CEP350: variants seen among roughly 807,000 people sequenced by gnomAD.
The protein encoded by CEP350 is centrosome-associated protein 350.
CEP350 carries 126 observed loss-of-function variants against 331.8 expected under a neutral mutation model. The observed-to-expected ratio is 0.38, with a 90% CI of 0.33 to 0.44. The LOEUF (loss-of-function observed/expected upper bound fraction) is 0.44. CEP350 is among the 20% of genes least tolerant of loss of function. The pLI is 1.00. For missense variants in CEP350, 3,406 were observed against 3,634.6 expected (o/e 0.94, Z 1.62); for synonymous variants, 1,200 against 1,259.5 (o/e 0.95, Z 1.00).
chr1:179,961,583 G>A (rs185754658), intron 1 of CEP350, among the ~76,000 whole-genome samples: 27 of 151,788 alleles, frequency 1.8e-4, no homozygotes, highest in African/African-American at 5.6e-4. Flanking sequence ...ATCTACTAAC[G>A]GGTCATGACT....
chr1:179,974,781 C>T (rs1441829241), intron 1 of CEP350, among the ~76,000 whole-genome samples: 4 of 152,042 alleles, frequency 2.6e-5, no homozygotes, highest in African/African-American at 9.7e-5. Context: ...TGCTTGAGGC[C>T]AGGATTTGAA....
At chr1:180,002,503 AATAG>A (rs1038487433) in intron 6 of CEP350, among the ~76,000 whole-genome samples, 1 of 151,960 alleles carries the variant, frequency 6.6e-6, no homozygotes, top group African/African-American at 2.4e-5. Context: ...AATAAAATAA[AATAG>A]ATAAGATAGC....
At chr1:179,991,412 G>A (rs1201794134) in intron 4 of CEP350, among the ~76,000 whole-genome samples, 1 of 149,710 alleles carries the variant, frequency 6.7e-6, no homozygotes, top group Non-Finnish European at 1.5e-5. Flanking sequence ...TACGTCCTGG[G>A]TTTAAGCGAT....
At chr1:179,961,412 C>T (rs540555897) in intron 1 of CEP350, among the ~76,000 whole-genome samples, 1 of 152,220 alleles carries the variant, frequency 6.6e-6, no homozygotes, top group South Asian at 2.1e-4. Context: ...CGCGTCACTG[C>T]ACTCCAGCCA....
chr1:180,027,020 G>A (rs532091836), intron 14 of CEP350, among the ~76,000 whole-genome samples: 1 of 152,238 alleles, frequency 6.6e-6, no homozygotes, highest in African/African-American at 2.4e-5. Context: ...ATTTTTTGAG[G>A]AACTGCCATA....
At chr1:180,036,827 G>T in intron 16 of CEP350, 99 bp from the exon 17 acceptor site, 1 of 1,353,170 alleles carries the variant, frequency 7.4e-7, no homozygotes, top group Non-Finnish European at 9.8e-7. Context: ...TTCTACAAAG[G>T]AAAGCAAAGT....
At chr1:179,966,200 A>G (rs1433726301) in intron 1 of CEP350, among the ~76,000 whole-genome samples, 1 of 152,186 alleles carries the variant, frequency 6.6e-6, no homozygotes, top group Non-Finnish European at 1.5e-5. Context: ...TAAGCTTTTT[A>G]TTTGCCTTCT....
chr1:180,027,792 C>T (rs1439652982), intron 14 of CEP350, among the ~76,000 whole-genome samples: 1 of 151,920 alleles, frequency 6.6e-6, no homozygotes, highest in East Asian at 1.9e-4. Context: ...ATTGAATATC[C>T]TTGTAAATAC....
At chr1:180,108,759 G>A (rs746864114) in intron 37 of CEP350, among the ~76,000 whole-genome samples, 9 of 152,122 alleles carry the variant, frequency 5.9e-5, no homozygotes, top group Non-Finnish European at 1.2e-4. Flanking sequence ...TATAGGAAAC[G>A]CTGAGTTAAA....
Position 180,111,253 on chromosome 1 carries a change from G to A in CEP350, c.*92G>A. On this transcript the variant is annotated 3_prime_UTR_variant, in exon 38 of 38. Transcript: ENST00000367607. ...CACCCATCGCCATCATAGCAAGAGTGCTTCTGGACCTTGTACTTATTCTTA... is the reference window on the plus strand; with the variant it reads ...CACCCATCGCCATCATAGCAAGAGTACTTCTGGACCTTGTACTTATTCTTA... 1 of 1,451,530 alleles carries A rather than the reference G, an allele frequency of 6.9e-7. No individual in the cohort carries two copies. Among genetic ancestry groups the A allele is most frequent in the Non-Finnish European group, 9.4e-7 (1 of 1,064,736 alleles). The allele number at this position is 1,451,530 out of a possible 1,614,324, so 89.9% of individuals were successfully genotyped here. A position where few individuals can be genotyped will look rare whatever the true frequency, so the allele number is the denominator to read the frequency against.
intron 16 of CEP350, among the ~76,000 whole-genome samples, chr1:180,036,322 G>A (rs1399226292): frequency 6.6e-6 from 1 of 152,182 alleles, no homozygotes; most frequent in Admixed American, 6.5e-5. Flanking sequence ...CAGTGGCAGG[G>A]TTTGAGAGGA....
chr1:180,058,233 A>G (rs758001039), intron 25 of CEP350, among the ~76,000 whole-genome samples: 10 of 152,242 alleles, frequency 6.6e-5, no homozygotes, highest in Non-Finnish European at 1.0e-4. Flanking sequence ...ATAATACTGC[A>G]GGAAACTGAA....
intron 1 of CEP350, among the ~76,000 whole-genome samples, chr1:179,978,261 A>T (rs927131016): frequency 6.6e-6 from 1 of 152,130 alleles, no homozygotes; most frequent in Non-Finnish European, 1.5e-5. Flanking sequence ...TTAAAAAAAA[A>T]TTTAAATTGA....
At chr1:180,039,995 A>T (rs2148912698) in intron 17 of CEP350, among the ~76,000 whole-genome samples, 1 of 152,074 alleles carries the variant, frequency 6.6e-6, no homozygotes, top group South Asian at 2.1e-4. Context: ...TTTAAAATTT[A>T]TTCCCAAATG....
chr1:179,992,776 A>G (rs971066701), intron 5 of CEP350, among the ~76,000 whole-genome samples: 3 of 152,158 alleles, frequency 2.0e-5, no homozygotes, highest in African/African-American at 7.2e-5. Flanking sequence ...ATTTTTGTTA[A>G]CATAGCTTAA....
chr1:179,987,383 ATACTATATAT>A lies in CEP350; in HGVS notation c.120+105_120+114del, dbSNP rs1253390471. 107 of 541,494 alleles carry A rather than the reference ATACTATATAT, an allele frequency of 2.0e-4. 1 individual carries two copies. The East Asian group carries it at 3.3e-3, about 17-fold the overall frequency. The allele number at this position is 541,494 out of a possible 1,614,324, so 33.5% of individuals were successfully genotyped here. A position where few individuals can be genotyped will look rare whatever the true frequency, so the allele number is the denominator to read the frequency against. ...AAATGTTTTCCATACTGTTCTTTAA[ATACTATATAT>A]TACTATAGAATAATACTATATATTA... On this transcript the variant is annotated intron_variant, in intron 3 of 37. Coordinates refer to ENST00000367607, the MANE Select transcript of CEP350 (RefSeq NM_014810.5).
chr1:180,098,856 T>A lies in CEP350; in HGVS notation c.9067-7T>A, dbSNP rs1253816646. 1 of 1,610,508 alleles carries A rather than the reference T, an allele frequency of 6.2e-7. No homozygotes were observed. Among genetic ancestry groups the A allele is most frequent in the Non-Finnish European group, 8.5e-7 (1 of 1,178,558 alleles). On this transcript the variant is annotated splice_region_variant and splice_polypyrimidine_tract_variant and intron_variant, in intron 36 of 37. Coordinates refer to ENST00000367607, the MANE Select transcript of CEP350 (RefSeq NM_014810.5). ...TTGTGTTTCGTGTATTTGTCTTGTT[T>A]CCACAGAGCTTCATAGCAAGTGAAG...
At chr1:180,031,551 C>T (rs1380060912) in intron 15 of CEP350, 57 bp downstream of exon 15, 1 of 853,452 alleles carries the variant, frequency 1.2e-6, no homozygotes, top group African/African-American at 1.8e-5. Flanking sequence ...AATTGATATT[C>T]AAAAAATCCA....
intron 32 of CEP350, among the ~76,000 whole-genome samples, chr1:180,089,098 A>G (rs992802496): frequency 1.3e-5 from 2 of 152,180 alleles, no homozygotes; most frequent in Non-Finnish European, 2.9e-5. Context: ...TTCTTAAGCT[A>G]CTGAAGGATT....
Sources: allele counts gnomAD v4.1 joint callset (sites outside exome capture counted in the v4.1 genomes callset), GRCh38; gene constraint gnomAD v4.1.1; transcripts MANE v1.5; gene names NCBI Gene and HGNC (gene_info 2026-07-23, HGNC 2026-07-21).